The following TBC1D22A variants were observed in gnomAD, a reference collection of about 807,000 sequenced individuals.
TBC1D22A encodes the protein TBC1 domain family member 22A.
A neutral mutation model predicts 60.2 loss-of-function variants in TBC1D22A; 38 were observed. The observed-to-expected ratio is 0.63, with a 90% CI of 0.49 to 0.83. The LOEUF is 0.83. Ranked by LOEUF, TBC1D22A falls within the 40% of genes least tolerant of loss-of-function variation. TBC1D22A has a pLI of 0.00. For missense variants in TBC1D22A, 628 were observed against 701.0 expected, an observed-to-expected ratio of 0.90 and a Z score of 1.18; for synonymous variants, 302 against 281.7, an observed-to-expected ratio of 1.07 and a Z score of -0.72.
chr22:46,795,840 G>A lies in TBC1D22A; in HGVS notation c.461-1604G>A, dbSNP rs551166605. On this transcript the variant is annotated intron_variant, in intron 3 of 12. Coordinates refer to ENST00000337137, the MANE Select transcript of TBC1D22A (RefSeq NM_014346.5). ...TTTCTGAAGATCACAGGGAAGTCCA[G>A]CTGAGCACCTTTAATTCTGGGACTC... Among the ~76,000 whole-genome samples, 44 of 152,290 alleles carry A rather than the reference G, an allele frequency of 2.9e-4. No homozygotes were observed. In the South Asian group the frequency reaches 8.3e-3, roughly 29 times the overall value.
chr22:46,836,249 A>G (rs1403544780), intron 4 of TBC1D22A, among the ~76,000 whole-genome samples: 2 of 152,268 alleles, frequency 1.3e-5, no homozygotes, highest in Admixed American at 1.3e-4. Flanking sequence ...AAATATTAAA[A>G]TAACTGTAGC....
intron 1 of TBC1D22A, among the ~76,000 whole-genome samples, chr22:46,782,820 C>T (rs2083998841): frequency 6.6e-6 from 1 of 152,176 alleles, no homozygotes; most frequent in Non-Finnish European, 1.5e-5. Flanking sequence ...CCCTTTATGA[C>T]CTAATATTAC....
At chr22:46,950,357 A>T (rs923910624) in intron 8 of TBC1D22A, among the ~76,000 whole-genome samples, 1 of 152,102 alleles carries the variant, frequency 6.6e-6, no homozygotes. Flanking sequence ...TTAGTCTTGG[A>T]TGGGTGCCGT....
chr22:46,989,759 T>TCACACACACA (rs35714390), intron 9 of TBC1D22A, among the ~76,000 whole-genome samples: 2,479 of 146,134 alleles, frequency 0.017, 24 homozygotes, highest in Middle Eastern at 0.038. Context: ...TGTGACAGAG[T>TCACACACACA]CACACACACA....
chr22:47,074,333 T>G (rs2064119270), intron 11 of TBC1D22A, among the ~76,000 whole-genome samples: 2 of 152,240 alleles, frequency 1.3e-5, no homozygotes, highest in South Asian at 4.1e-4. Flanking sequence ...TTCCCTAATG[T>G]GTGTCAACAC....
chr22:47,008,575 G>A (rs764695734), intron 10 of TBC1D22A, among the ~76,000 whole-genome samples: 5 of 152,224 alleles, frequency 3.3e-5, no homozygotes, highest in Non-Finnish European at 7.3e-5. Context: ...CCCACCTGCT[G>A]TGCAGAGCAT....
At chr22:46,903,979 C>T (rs796482018) in intron 7 of TBC1D22A, among the ~76,000 whole-genome samples, 39 of 152,108 alleles carry the variant, frequency 2.6e-4, no homozygotes, top group African/African-American at 9.2e-4. Flanking sequence ...TACCCAGACC[C>T]CTTTAAGTGT....
chr22:46,770,352 G>T (rs1457652115), intron 1 of TBC1D22A, among the ~76,000 whole-genome samples: 1 of 152,262 alleles, frequency 6.6e-6, no homozygotes, highest in Non-Finnish European at 1.5e-5. Context: ...CGAGCCTCCC[G>T]GAAGGGGCAC....
intron 12 of TBC1D22A, among the ~76,000 whole-genome samples, chr22:47,171,647 T>G (rs1282766292): frequency 1.3e-5 from 2 of 152,148 alleles, no homozygotes; most frequent in African/African-American, 2.4e-5. Context: ...AAGCCCTCTG[T>G]GTGTTGGGGT....
chr22:46,811,911 G>T (rs1287795603), intron 4 of TBC1D22A, among the ~76,000 whole-genome samples: 1 of 152,118 alleles, frequency 6.6e-6, no homozygotes. Flanking sequence ...GAGATCCCGT[G>T]CTCAGATCCT....
chr22:47,066,433 C>T (rs941072696), intron 11 of TBC1D22A, among the ~76,000 whole-genome samples: 1 of 152,152 alleles, frequency 6.6e-6, no homozygotes, highest in Non-Finnish European at 1.5e-5. Context: ...GAGGGCCAAG[C>T]TTTGGCTGCC....
chr22:47,016,451 T>C (rs2061914328), intron 10 of TBC1D22A, among the ~76,000 whole-genome samples: 1 of 151,902 alleles, frequency 6.6e-6, no homozygotes, highest in Non-Finnish European at 1.5e-5. Flanking sequence ...CTGTTAAGTG[T>C]TTTGAATACA....
At chr22:46,989,433 T>C (rs1247849945) in intron 9 of TBC1D22A, among the ~76,000 whole-genome samples, 2 of 152,178 alleles carry the variant, frequency 1.3e-5, no homozygotes, top group South Asian at 4.1e-4. Flanking sequence ...GCTTTTGATT[T>C]AAAGTGAGAG....
chr22:47,159,773 C>A (rs1332932945), intron 12 of TBC1D22A, among the ~76,000 whole-genome samples: 2 of 151,760 alleles, frequency 1.3e-5, no homozygotes, highest in Non-Finnish European at 2.9e-5. Flanking sequence ...CCACACCACA[C>A]ACTCACACAG....
At chr22:47,013,458 T>G (rs969802754) in intron 10 of TBC1D22A, among the ~76,000 whole-genome samples, 1 of 152,202 alleles carries the variant, frequency 6.6e-6, no homozygotes, top group Non-Finnish European at 1.5e-5. Context: ...AAGAAAGAGC[T>G]GTCGTGGTTT....
chr22:46,764,192 A>G (rs1374668235), intron 1 of TBC1D22A: 2 of 152,236 alleles, frequency 1.3e-5, no homozygotes, highest in African/African-American at 4.8e-5. Flanking sequence ...GAAGGGAGTC[A>G]TCAAAGGTGG....
intron 8 of TBC1D22A, among the ~76,000 whole-genome samples, chr22:46,960,990 G>A (rs116234197): frequency 3.2e-4 from 45 of 140,432 alleles, no homozygotes; most frequent in African/African-American, 1.1e-3. Context: ...TACCCAGTCC[G>A]TAGCTAAGAG....
At chr22:46,871,400 T>A (rs766601839) in intron 4 of TBC1D22A, among the ~76,000 whole-genome samples, 6 of 152,234 alleles carry the variant, frequency 3.9e-5, no homozygotes, top group Non-Finnish European at 7.3e-5. Context: ...ATCTACTAAC[T>A]GATAATGCAC....
intron 10 of TBC1D22A, among the ~76,000 whole-genome samples, chr22:47,032,869 G>T (rs2062526914): frequency 6.6e-6 from 1 of 152,210 alleles, no homozygotes; most frequent in Non-Finnish European, 1.5e-5. Flanking sequence ...GGTGCCACCT[G>T]CCAGGCCAGG....
Sources: gnomAD v4.1 joint callset for allele counts (sites outside exome capture counted in the v4.1 genomes callset) on GRCh38, gnomAD v4.1.1 for gene constraint, MANE v1.5 for transcripts, NCBI Gene and HGNC (gene_info 2026-07-23, HGNC 2026-07-21) for gene names.